COP1: variants seen among roughly 807,000 people sequenced by gnomAD.
COP1 encodes the protein E3 ubiquitin-protein ligase COP1.
COP1 carries 24 observed loss-of-function variants against 101.3 expected under a neutral mutation model. The ratio of observed to expected loss-of-function variants is 0.24; its 90% confidence interval spans 0.17 to 0.33. The LOEUF (loss-of-function observed/expected upper bound fraction) is 0.33, where lower values mean the gene tolerates loss of function less well. COP1 is among the 10% of genes least tolerant of loss of function. COP1 has a pLI of 1.00. For missense variants in COP1, 663 were observed against 906.2 expected (o/e 0.73, Z 3.45); for synonymous variants, 347 against 341.9 (o/e 1.01, Z -0.17).
intron 9 of COP1, among the ~76,000 whole-genome samples, chr1:176,103,281 TA>T (rs1683725947): frequency 6.6e-6 from 1 of 152,220 alleles, no homozygotes; most frequent in Non-Finnish European, 1.5e-5. Context: ...AGCCTTAGGA[TA>T]AGGCTGGTCA....
chr1:175,977,979 G>T (rs751114043), intron 18 of COP1, among the ~76,000 whole-genome samples: 6 of 152,038 alleles, frequency 3.9e-5, no homozygotes, highest in Non-Finnish European at 8.8e-5. Context: ...ATTACCAAAA[G>T]ATAAACATTA....
intron 11 of COP1, among the ~76,000 whole-genome samples, chr1:176,057,728 C>T (rs1673860713): frequency 6.6e-6 from 1 of 152,146 alleles, no homozygotes. Flanking sequence ...CCCAAAGTGC[C>T]GAGATTGCAG....
chr1:176,098,283 G>C (rs187161804), intron 9 of COP1, among the ~76,000 whole-genome samples: 14 of 152,262 alleles, frequency 9.2e-5, no homozygotes, highest in Admixed American at 2.0e-4. Context: ...AAATTGCTAA[G>C]AGTTACCATT....
rs543471581 is a variant in COP1, at chr1:176,112,271, G to GT, written c.1026+4352dup. On this transcript the variant is annotated intron_variant, in intron 9 of 19. Transcript: ENST00000367669. ...GTTTTTCTTTTTCCTCCAGATTCAAGTTTTTTTTTTAAATCTTGATTCAAG... is the reference window on the plus strand; with the variant it reads ...GTTTTTCTTTTTCCTCCAGATTCAAGTTTTTTTTTTTAAATCTTGATTCAAG... 7.4e-3 allele frequency among the ~76,000 whole-genome samples: 1,078 copies of GT among 146,626 alleles called. 13 individuals are homozygous for GT. The highest frequency in any genetic ancestry group is 0.025 in the African/African-American group (992 of 40,134).
chr1:175,961,602 G>A (rs561039943), intron 18 of COP1, among the ~76,000 whole-genome samples: 72 of 151,566 alleles, frequency 4.8e-4, no homozygotes, highest in East Asian at 2.7e-3. Flanking sequence ...AGGCTGAGGC[G>A]GGAGGATCAC....
intron 11 of COP1, among the ~76,000 whole-genome samples, chr1:176,053,819 A>T (rs1374302684): frequency 6.6e-6 from 1 of 152,212 alleles, no homozygotes. Context: ...GCCAGTAAAT[A>T]TAACTCCCTC....
intron 11 of COP1, among the ~76,000 whole-genome samples, chr1:176,047,939 G>A (rs1671791857): frequency 1.3e-5 from 2 of 152,130 alleles, no homozygotes; most frequent in East Asian, 1.9e-4. Context: ...GTGAGGCATA[G>A]TGATGGGTTC....
At chr1:176,095,022 T>C (rs1682074014) in intron 9 of COP1, among the ~76,000 whole-genome samples, 1 of 152,176 alleles carries the variant, frequency 6.6e-6, no homozygotes, top group Non-Finnish European at 1.5e-5. Flanking sequence ...AGACTCCTAC[T>C]TCAAATGAAG....
intron 1 of COP1, among the ~76,000 whole-genome samples, chr1:176,200,250 G>A (rs1700128902): frequency 6.6e-6 from 1 of 152,162 alleles, no homozygotes; most frequent in Admixed American, 6.5e-5. Flanking sequence ...ATTATTATGA[G>A]TATTTGTCCC....
At chr1:175,966,374 T>C (rs1457173970) in intron 18 of COP1, among the ~76,000 whole-genome samples, 4 of 152,184 alleles carry the variant, frequency 2.6e-5, no homozygotes, top group African/African-American at 9.7e-5. Flanking sequence ...GTCAGTGACT[T>C]AGTTAAGAAT....
intron 15 of COP1, among the ~76,000 whole-genome samples, chr1:175,991,820 G>A (rs1658562959): frequency 6.6e-6 from 1 of 152,072 alleles, no homozygotes; most frequent in African/African-American, 2.4e-5. Flanking sequence ...TCACCTCCAC[G>A]TTTTGTCTCA....
rs562256261 is a variant in COP1, at chr1:176,103,129, T to C, written c.1026+13495A>G. On this transcript the variant is annotated intron_variant, in intron 9 of 19. Coordinates refer to ENST00000367669, the MANE Select transcript of COP1 (RefSeq NM_022457.7). ...TAGGCAGTGGGGGAAGGGGAACCCA[T>C]TAGGGTGTTACAGTTCCTCACACAC... Among the ~76,000 whole-genome samples, 10 of 152,312 alleles carry C rather than the reference T, an allele frequency of 6.6e-5. No homozygotes were observed. The South Asian group carries it at 2.1e-3, about 32-fold the overall frequency.
chr1:176,143,146 A>AGAGAGAGAG (rs1553286862), intron 6 of COP1, among the ~76,000 whole-genome samples: 28 of 66,600 alleles, frequency 4.2e-4, no homozygotes, highest in African/African-American at 1.2e-3. Context: ...GAGCGAGAGA[A>AGAGAGAGAG]AGAGAGAGAG....
At chr1:176,121,997 G>A (rs539760378) in intron 8 of COP1, among the ~76,000 whole-genome samples, 223 of 151,930 alleles carry the variant, frequency 1.5e-3, no homozygotes, top group African/African-American at 3.5e-3. Flanking sequence ...AAAATTAGCC[G>A]GGCATGGTGG....
At chr1:176,186,377 G>T (rs1401221101) in intron 1 of COP1, among the ~76,000 whole-genome samples, 5 of 151,318 alleles carry the variant, frequency 3.3e-5, no homozygotes, top group Non-Finnish European at 7.4e-5. Flanking sequence ...ACAAAAACTA[G>T]CAAGCATAGG....
chr1:176,058,394 T>A (rs1206221705), intron 11 of COP1, among the ~76,000 whole-genome samples: 1 of 152,132 alleles, frequency 6.6e-6, no homozygotes, highest in Non-Finnish European at 1.5e-5. Flanking sequence ...GAAGTAGACA[T>A]GGGAGACTTT....
chr1:176,062,774 G>GAATA (rs150066623), intron 11 of COP1, among the ~76,000 whole-genome samples: 142,640 of 152,070 alleles, frequency 0.94, 67,362 homozygotes, highest in East Asian at 1. Context: ...TTATTCAAAT[G>GAATA]AATAAACTGT....
intron 11 of COP1, among the ~76,000 whole-genome samples, chr1:176,064,250 G>C (rs1420354555): frequency 6.6e-6 from 1 of 151,846 alleles, no homozygotes; most frequent in Non-Finnish European, 1.5e-5. Context: ...CCAAAAAACT[G>C]AAAAATTGCC....
chr1:175,944,986 G>T lies in COP1; in HGVS notation c.*167C>A, dbSNP rs560226640. Reference sequence around the variant, plus strand: ...GGCTGGGTATTCCCAATGTCCCAAAGGTCATAAAGGAGGGAAAAGAAAAAA... The same window carrying T: ...GGCTGGGTATTCCCAATGTCCCAAATGTCATAAAGGAGGGAAAAGAAAAAA... On this transcript the variant is annotated 3_prime_UTR_variant, in exon 20 of 20. Transcript: ENST00000367669. The T allele has an allele frequency of 4.8e-6, 3 of 626,830 alleles. No homozygotes were observed. The African/African-American group carries it at 5.8e-5, about 12-fold the overall frequency. The allele number at this position is 626,830 out of a possible 1,614,324, so 38.8% of individuals were successfully genotyped here.
Sources: allele counts gnomAD v4.1 joint callset (sites outside exome capture counted in the v4.1 genomes callset), GRCh38; gene constraint gnomAD v4.1.1; transcripts MANE v1.5; gene names NCBI Gene and HGNC (gene_info 2026-07-23, HGNC 2026-07-21).